The following PCDHA13 variants were observed in gnomAD, a reference collection of about 807,000 sequenced individuals.
The protein encoded by PCDHA13 is protocadherin alpha 13.
A neutral mutation model predicts 64.8 loss-of-function variants in PCDHA13; 54 were observed. The ratio of observed to expected loss-of-function variants is 0.83; its 90% CI spans 0.67 to 1.04. The LOEUF (loss-of-function observed/expected upper bound fraction) is 1.04. PCDHA13 is among the 50% of genes least tolerant of loss of function. The pLI is 0.00. For missense variants in PCDHA13, 1,248 were observed against 1,254.3 expected (o/e 0.99, Z 0.08); for synonymous variants, 587 against 564.4 (o/e 1.04, Z -0.57).
intron 1 of PCDHA13, among the ~76,000 whole-genome samples, chr5:140,947,316 G>A (rs1325852826): frequency 2.6e-5 from 4 of 151,352 alleles, no homozygotes; most frequent in East Asian, 1.9e-4. Context: ...GTAAAAAGTC[G>A]GTTGACCATA....
chr5:140,883,362 C>T lies in PCDHA13; in HGVS notation c.1094C>T (p.Pro365Leu), dbSNP rs1554177843. ...LSLPIREDTQ[P>L]SAIIALISVS... ...CTCCCCATCAGAGAAGACACTCAGC[C>T]TAGCGCCATTATTGCCCTAATCAGT... The change falls in exon 1 of 4, where the codon CCT becomes CTT. Residue 365 changes from proline (P) to leucine (L), a missense_variant. Pro to Leu is a moderately conservative substitution (Grantham distance 98). Transcript: ENST00000289272. The T allele has an allele frequency of 1.7e-5, 27 of 1,614,074 alleles. No homozygotes were observed. Among genetic ancestry groups the T allele is most frequent in the Non-Finnish European group, 2.3e-5 (27 of 1,180,046 alleles).
At chr5:140,927,993 A>G (rs782756882) in intron 1 of PCDHA13, 66 of 1,614,068 alleles carry the variant, frequency 4.1e-5, no homozygotes, top group Non-Finnish European at 5.4e-5. Flanking sequence ...TAAAGGATGA[A>G]GACCTCGATT....
intron 1 of PCDHA13, among the ~76,000 whole-genome samples, chr5:140,915,232 C>A (rs1554196813): frequency 1.3e-5 from 2 of 152,274 alleles, no homozygotes; most frequent in Admixed American, 6.5e-5. Flanking sequence ...CAGGCATGAG[C>A]CACCATGCCT....
At chr5:140,912,689 CA>C (rs781833135) in intron 1 of PCDHA13, among the ~76,000 whole-genome samples, 5 of 152,112 alleles carry the variant, frequency 3.3e-5, no homozygotes, top group African/African-American at 4.8e-5. Context: ...TTCCAGGTCT[CA>C]GGGGGAATGC....
At chr5:140,947,769 A>G (rs2094173274) in intron 1 of PCDHA13, among the ~76,000 whole-genome samples, 1 of 151,626 alleles carries the variant, frequency 6.6e-6, no homozygotes, top group South Asian at 2.1e-4. Context: ...AAAAAATTCT[A>G]TTGTAAATGG....
intron 1 of PCDHA13, among the ~76,000 whole-genome samples, chr5:140,891,739 C>T (rs1433506044): frequency 4.6e-5 from 7 of 152,116 alleles, no homozygotes; most frequent in Non-Finnish European, 2.9e-5. Flanking sequence ...AATTCAATCC[C>T]TTATACAACA....
chr5:140,997,984 A>G (rs1004761154), intron 3 of PCDHA13, among the ~76,000 whole-genome samples: 4 of 152,188 alleles, frequency 2.6e-5, no homozygotes, highest in Admixed American at 2.6e-4. Context: ...TGCACTTGTT[A>G]CATACTTCCC....
At chr5:140,902,709 TC>T (rs1248555909) in intron 1 of PCDHA13, among the ~76,000 whole-genome samples, 11 of 152,060 alleles carry the variant, frequency 7.2e-5, no homozygotes, top group Admixed American at 4.6e-4. Flanking sequence ...TATCTTTCAC[TC>T]CCCTCCCACC....
At chr5:140,963,714 A>G (rs1554226741) in intron 1 of PCDHA13, among the ~76,000 whole-genome samples, 2 of 152,260 alleles carry the variant, frequency 1.3e-5, no homozygotes, top group Admixed American at 6.5e-5. Context: ...GCCATGCTAC[A>G]TATAGACTGC....
chr5:140,902,258 G>A (rs1389556264), intron 1 of PCDHA13, among the ~76,000 whole-genome samples: 2 of 137,592 alleles, frequency 1.5e-5, no homozygotes, highest in African/African-American at 5.6e-5. Context: ...GGCTGGTCTC[G>A]AACTCCTGGG....
At chr5:141,006,689 G>C (rs1249412460) in intron 3 of PCDHA13, among the ~76,000 whole-genome samples, 3 of 152,072 alleles carry the variant, frequency 2.0e-5, no homozygotes, top group African/African-American at 7.2e-5. Flanking sequence ...TGGGAGAAGA[G>C]GACAGAGTCA....
Position 140,966,227 on chromosome 5 carries a change from A to T in PCDHA13, c.2395-12722A>T, listed in dbSNP as rs556655692. The T allele has an allele frequency of 3.7e-5, 10 of 270,804 alleles. No individual in the cohort carries two copies. The South Asian group carries it at 1.7e-3, about 46-fold the overall frequency. 16.8% of individuals were successfully genotyped at this position (270,804 alleles called of 1,614,324 possible). On this transcript the variant is annotated intron_variant, in intron 1 of 3. Coordinates refer to ENST00000289272, the MANE Select transcript of PCDHA13 (RefSeq NM_018904.3). ...CTGCTTTTCCCAGACTAATCTCCTT[A>T]AAGACCCGTTAAGCAGGGGAGAGAC...
At chr5:140,954,275 T>C (rs1447578594) in intron 1 of PCDHA13, among the ~76,000 whole-genome samples, 1 of 152,218 alleles carries the variant, frequency 6.6e-6, no homozygotes, top group Non-Finnish European at 1.5e-5. Context: ...AATAGGATGA[T>C]TTATATTCCT....
rs782166832 is a variant in PCDHA13, at chr5:140,882,300, C to G, written c.32C>G (p.Pro11Arg). 1.4e-5 allele frequency: 22 copies of G among 1,613,604 alleles called. No individual in the cohort carries two copies. The East Asian group carries it at 4.5e-4, about 33-fold the overall frequency. The stretch of plus-strand genomic sequence containing the variant: ...TCTTCCTGGCAAGGAGGCCCAAGAC[C>G]GCGGCAACTACTGCTCTGGCTTCTG... MLSSWQGGPRPRQLLLWLLIL... is the reference protein window; with the variant it reads MLSSWQGGPRRRQLLLWLLIL... Residue 11 changes from proline to arginine, a missense_variant, in exon 1 of 4, where the codon CCG becomes CGG. Physicochemically the swap from Pro to Arg is moderately radical, Grantham distance 103 (BLOSUM62 -2). Coordinates refer to ENST00000289272, the MANE Select transcript of PCDHA13 (RefSeq NM_018904.3).
intron 3 of PCDHA13, among the ~76,000 whole-genome samples, chr5:140,989,886 C>T (rs954644773): frequency 1.3e-5 from 2 of 151,784 alleles, no homozygotes. Flanking sequence ...CACTTGGAGT[C>T]TCCGTTATTC....
At chr5:141,009,568 G>A in intron 3 of PCDHA13, 59 bp from the exon 4 acceptor site, 4 of 1,577,106 alleles carry the variant, frequency 2.5e-6, no homozygotes, top group Non-Finnish European at 3.4e-6. Context: ...TCTACCAGCA[G>A]TGTGGCATCA....
intron 1 of PCDHA13, among the ~76,000 whole-genome samples, chr5:140,973,003 C>T (rs1417207719): frequency 4.0e-5 from 6 of 151,856 alleles, no homozygotes; most frequent in African/African-American, 7.3e-5. Flanking sequence ...CATTTGTGGT[C>T]GTGGTGTTGT....
At chr5:140,983,740 C>A (rs1250895126) in intron 3 of PCDHA13, among the ~76,000 whole-genome samples, 1 of 152,190 alleles carries the variant, frequency 6.6e-6, no homozygotes, top group African/African-American at 2.4e-5. Context: ...GGCTGGCTTG[C>A]AATAATCCAT....
chr5:140,884,143 G>C lies in PCDHA13; in HGVS notation c.1875G>C (p.Gly625=), dbSNP rs782116778. 1 of 1,613,438 alleles carries C rather than the reference G, an allele frequency of 6.2e-7. No homozygotes were observed. ...GCGCGCGCATCCCGTTCCGCGTGGG[G>C]CTGTACACTGGCGAGATCAGCACGA... The part of the protein sequence containing the change: ...AVGARIPFRV[G]LYTGEISTTR... Residue 625 remains glycine, a synonymous_variant, in exon 1 of 4, where the codon GGG becomes GGC. Transcript: ENST00000289272.
Sources: allele counts gnomAD v4.1 joint callset (sites outside exome capture counted in the v4.1 genomes callset), GRCh38; gene constraint gnomAD v4.1.1; transcripts MANE v1.5; gene names NCBI Gene and HGNC (gene_info 2026-07-23, HGNC 2026-07-21).